Variants in ETNK2 observed in about 807,000 individuals in gnomAD.
ETNK2 encodes ethanolamine kinase-like protein.
In ETNK2, 33 loss-of-function variants were observed where a neutral mutation model predicts 46.2. The observed-to-expected ratio is 0.71, with a 90% CI of 0.54 to 0.96. The LOEUF (loss-of-function observed/expected upper bound fraction) is 0.96. Ranked by LOEUF, ETNK2 falls within the 40% of genes least tolerant of loss-of-function variation. The pLI is 0.00. For missense variants in ETNK2, 445 were observed against 509.7 expected (o/e 0.87, Z 1.22); for synonymous variants, 194 against 209.0 (o/e 0.93, Z 0.62).
intron 6 of ETNK2, among the ~76,000 whole-genome samples, chr1:204,136,462 C>T (rs1436071666): frequency 6.6e-6 from 1 of 150,384 alleles, no homozygotes; most frequent in Non-Finnish European, 1.5e-5. Flanking sequence ...ATAATCCCAA[C>T]ACTTTGGGAG....
Position 204,140,131 on chromosome 1 carries a change from G to C in ETNK2, c.785-13C>G. 6.2e-7 allele frequency: 1 copy of C among 1,610,876 alleles called. No homozygotes were observed. ...AACCGCACGTGACCTATGAAGTAGA[G>C]GAGAATCGATGAGAGTTGGCCCAGG... On this transcript the variant is annotated splice_polypyrimidine_tract_variant and intron_variant, in intron 4 of 7. Coordinates refer to ENST00000367202, the MANE Select transcript of ETNK2 (RefSeq NM_018208.4).
chr1:204,134,403 A>C, intron 7 of ETNK2, 112 bp downstream of exon 7: 1 of 1,220,348 alleles, frequency 8.2e-7, no homozygotes, highest in Non-Finnish European at 1.1e-6. Context: ...GCGAGTCAGC[A>C]GAGCAGGGGA....
chr1:204,134,609 G>T (rs1159958526), intron 6 of ETNK2, 21 bp from the exon 7 acceptor site: 1 of 1,614,036 alleles, frequency 6.2e-7, no homozygotes, highest in South Asian at 1.1e-5. Context: ...ACCAGAGAGG[G>T]TCAGCCTGGC....
chr1:204,136,484 C>A lies in ETNK2; in HGVS notation c.1014+620G>T, dbSNP rs141595898. On this transcript the variant is annotated intron_variant, in intron 6 of 7. Coordinates refer to ENST00000367202, the MANE Select transcript of ETNK2 (RefSeq NM_018208.4). ...CAACACTTTGGGAGGCAGAGGCGGG[C>A]GAATCACCTGAGGTCAGGAGTTCAA... 2.4e-3 allele frequency among the ~76,000 whole-genome samples: 359 copies of A among 149,976 alleles called. 3 individuals are homozygous for A. Among genetic ancestry groups the A allele is most frequent in the African/African-American group, 8.3e-3 (338 of 40,704 alleles).
chr1:204,133,585 G>A (rs1191469631), intron 7 of ETNK2, among the ~76,000 whole-genome samples: 2 of 149,504 alleles, frequency 1.3e-5, no homozygotes, highest in African/African-American at 5.0e-5. Flanking sequence ...AGGCTGGAGT[G>A]CAGTGGCGGG....
rs1558233265 is a variant in ETNK2 at position 204,140,282 on chromosome 1, T to TC, written c.785-165dup. Among the ~76,000 whole-genome samples the TC allele has an allele frequency of 3.5e-3, 508 of 146,216 alleles. 2 individuals carry two copies. Among genetic ancestry groups the TC allele is most frequent in the African/African-American group, 0.013 (484 of 37,490 alleles). On this transcript the variant is annotated intron_variant, in intron 4 of 7. Coordinates refer to ENST00000367202, the MANE Select transcript of ETNK2 (RefSeq NM_018208.4). ...CAGCAGTCTTCCAAGCTACTTCCATTCATCCATCCATCCATCCATCCATCC... is the reference window on the plus strand; with the variant it reads ...CAGCAGTCTTCCAAGCTACTTCCATTCCATCCATCCATCCATCCATCCATCC...
chr1:204,145,240 C>A (rs1179233187), intron 3 of ETNK2, among the ~76,000 whole-genome samples: 1 of 152,210 alleles, frequency 6.6e-6, no homozygotes. Context: ...AGAGATTGGG[C>A]CAGCTCTTCT....
At chr1:204,144,134 C>T (rs1657675666) in intron 3 of ETNK2, among the ~76,000 whole-genome samples, 1 of 151,876 alleles carries the variant, frequency 6.6e-6, no homozygotes, top group Non-Finnish European at 1.5e-5. Flanking sequence ...CACTTGAGGC[C>T]AGGAGTTCAA....
rs368358737 is a variant in ETNK2, at chr1:204,132,260, T to G, written c.1089-4A>C. 6.4e-7 allele frequency: 1 copy of G among 1,565,936 alleles called. No homozygotes were observed. The highest frequency in any genetic ancestry group is 1.9e-5 in the Admixed American group (1 of 52,464). On this transcript the variant is annotated splice_region_variant and splice_polypyrimidine_tract_variant and intron_variant, in intron 7 of 7. Coordinates refer to ENST00000367202, the MANE Select transcript of ETNK2 (RefSeq NM_018208.4). ...GTTGAATCGGATCACTGCGTACCTG[T>G]GGGGAAGACAGAAGGAAGCTGGGTG...
rs200858943 is a variant in ETNK2 at position 204,141,384 on chromosome 1, G to T, written c.715C>A (p.Leu239Met). ...LAWLKEHLSQLESPVVFCHND... is the reference protein window; with the variant it reads ...LAWLKEHLSQMESPVVFCHND... ...TGACAAAACACCACAGGGGACTCCA[G>T]CTGGGACAGATGCTCCTTCAGCCAG... is the stretch of plus-strand genomic sequence containing the variant. Residue 239 changes from leucine to methionine, a missense_variant, in exon 4 of 8, where the codon CTG (leucine) becomes ATG (methionine). Coordinates refer to ENST00000367202, the MANE Select transcript of ETNK2 (RefSeq NM_018208.4). 1 of 1,613,932 alleles carries T rather than the reference G, an allele frequency of 6.2e-7. No homozygotes were observed. The highest frequency in any genetic ancestry group is 1.3e-5 in the African/African-American group (1 of 75,056).
chr1:204,133,534 A>AT (rs1277693481), intron 7 of ETNK2, among the ~76,000 whole-genome samples: 127 of 131,138 alleles, frequency 9.7e-4, no homozygotes, highest in African/African-American at 3.5e-3. Flanking sequence ...ATTTTATTTT[A>AT]TTTTTTTTTT....
intron 3 of ETNK2, among the ~76,000 whole-genome samples, chr1:204,145,422 G>A (rs370029558): frequency 1.1e-4 from 17 of 152,306 alleles, no homozygotes; most frequent in African/African-American, 4.1e-4. Context: ...CCTGGGCCTC[G>A]GTTTTCCACT....
At chr1:204,146,511 G>A in intron 3 of ETNK2, 131 bp downstream of exon 3, 1 of 1,062,284 alleles carries the variant, frequency 9.4e-7, no homozygotes. Context: ...TGAAGGGACT[G>A]CAGGAGAAAC....
chr1:204,136,067 T>G (rs1374018474), intron 6 of ETNK2, among the ~76,000 whole-genome samples: 1 of 152,164 alleles, frequency 6.6e-6, no homozygotes, highest in Admixed American at 6.5e-5. Context: ...ATTCTGTATC[T>G]TCTCTAAAGG....
At position 204,151,341 on chromosome 1, in the gene ETNK2, A is replaced by G; in HGVS notation, c.258+254T>C. ...TGCGGCCCGCACACGCAGCATGCCG[A>G]CAGTGGGCAGGTGGCCACCAGGCGT... On this transcript the variant is annotated intron_variant, in intron 1 of 7. Coordinates refer to ENST00000367202, the MANE Select transcript of ETNK2 (RefSeq NM_018208.4). The surrounding 1 kb of genome is among the most constrained non-coding windows in gnomAD (Gnocchi z 8.0). 1.8e-6 allele frequency: 1 copy of G among 568,740 alleles called. No homozygotes were observed. Among genetic ancestry groups the G allele is most frequent in the Non-Finnish European group, 3.0e-6 (1 of 329,852 alleles). The allele number at this position is 568,740 out of a possible 1,614,324, so 35.2% of individuals were successfully genotyped here. A position where few individuals can be genotyped will look rare whatever the true frequency, so the allele number is the denominator to read the frequency against.
chr1:204,141,260 C>T, intron 4 of ETNK2, 55 bp downstream of exon 4: 1 of 1,612,602 alleles, frequency 6.2e-7, no homozygotes, highest in Non-Finnish European at 8.5e-7. Context: ...TCCGTGAAGC[C>T]AGCTAACCAA....
At chr1:204,144,902 C>T (rs966266059) in intron 3 of ETNK2, among the ~76,000 whole-genome samples, 5 of 152,230 alleles carry the variant, frequency 3.3e-5, no homozygotes, top group Non-Finnish European at 5.9e-5. Context: ...ATACATTATA[C>T]ACACCCTGCC....
At chr1:204,134,788 G>A (rs1043873277) in intron 6 of ETNK2, 200 bp from the exon 7 acceptor site, 1 of 1,227,386 alleles carries the variant, frequency 8.1e-7, no homozygotes, top group Non-Finnish European at 1.1e-6. Flanking sequence ...ACTCCTGCTA[G>A]AGAAAGGTGG....
intron 3 of ETNK2, chr1:204,141,696 G>A: frequency 1.9e-6 from 1 of 530,860 alleles, no homozygotes. Flanking sequence ...GTCAAAGCAT[G>A]AGGCAGAGCA....
Sources: allele counts gnomAD v4.1 joint callset (sites outside exome capture counted in the v4.1 genomes callset), GRCh38; gene constraint gnomAD v4.1.1; non-coding constraint Gnocchi (gnomAD v3.1); transcripts MANE v1.5; gene names NCBI Gene and HGNC (gene_info 2026-07-23, HGNC 2026-07-21).